The following TENM3 variants were observed in gnomAD, a reference collection of about 807,000 sequenced individuals.
TENM3 encodes teneurin-3.
Under a neutral mutation model 255.1 loss-of-function variants are expected in TENM3, and 63 were observed. The ratio of observed to expected loss-of-function variants is 0.25; its 90% CI spans 0.20 to 0.30. The LOEUF is 0.30. Ranked by LOEUF, TENM3 falls within the 10% of genes least tolerant of loss-of-function variation. TENM3 has a pLI of 1.00. For missense variants in TENM3, 2,929 were observed against 3,461.1 expected, an observed-to-expected ratio of 0.85 and a Z score of 3.86; for synonymous variants, 1,306 against 1,322.3, an observed-to-expected ratio of 0.99 and a Z score of 0.27.
At chr4:182,717,556 C>A (rs72703945) in intron 13 of TENM3, among the ~76,000 whole-genome samples, 93 of 152,260 alleles carry the variant, frequency 6.1e-4, no homozygotes, top group Non-Finnish European at 1.2e-3. Context: ...CTCCAGGTAC[C>A]AAATAGAGGC....
chr4:182,323,583 G>A (rs1262771596), intron 1 of TENM3, among the ~76,000 whole-genome samples: 1 of 152,102 alleles, frequency 6.6e-6, no homozygotes, highest in African/African-American at 2.4e-5. Flanking sequence ...GCTATAAAGA[G>A]AAAAAGCCAT....
chr4:182,685,115 A>G (rs971945578), intron 11 of TENM3, among the ~76,000 whole-genome samples: 1 of 152,104 alleles, frequency 6.6e-6, no homozygotes, highest in African/African-American at 2.4e-5. Context: ...TTGAACTCAT[A>G]TACTACTTAG....
chr4:182,797,863 A>AAC (rs1213299552), intron 27 of TENM3, among the ~76,000 whole-genome samples: 3 of 152,294 alleles, frequency 2.0e-5, no homozygotes, highest in Non-Finnish European at 2.9e-5. Context: ...AGCCATGGTT[A>AAC]ACACACACAC....
chr4:182,767,956 A>C lies in TENM3; in HGVS notation c.4893-5516A>C, dbSNP rs115864759. Among the ~76,000 whole-genome samples, 1,173 of 152,190 alleles carry C rather than the reference A, an allele frequency of 7.7e-3. 11 individuals are homozygous for C. The highest frequency in any genetic ancestry group is 0.027 in the Middle Eastern group (8 of 294). On this transcript the variant is annotated intron_variant, in intron 22 of 27. Coordinates refer to ENST00000511685, the MANE Select transcript of TENM3 (RefSeq NM_001080477.4). ...AAGCAGTCACATTTCAGTGACTCTC[A>C]CTCCGGCTTCCCTAGGTGAAAATGA... is the stretch of plus-strand genomic sequence containing the variant.
the TENM3 span, among the ~76,000 whole-genome samples, chr4:182,022,058 T>C: frequency 6.6e-6 from 1 of 151,988 alleles, no homozygotes; most frequent in Non-Finnish European, 1.5e-5. Flanking sequence ...TCACAGGAAA[T>C]AGATTGTTCC....
rs140503085 is a variant in TENM3, at chr4:182,212,732, A to G, written c.-76+67978A>G. Reference sequence around the variant, plus strand: ...ACTCTTTGAGAGTGAAACAGAAAGGACAGAGTTGAGATTTTAGTGTGACAA... The same window carrying G: ...ACTCTTTGAGAGTGAAACAGAAAGGGCAGAGTTGAGATTTTAGTGTGACAA... On this transcript the variant is annotated intron_variant, in intron 1 of 2. Transcript: ENST00000512480. Among the ~76,000 whole-genome samples the G allele has an allele frequency of 1.8e-3, 281 of 152,292 alleles. 1 individual carries two copies. Among genetic ancestry groups the G allele is most frequent in the African/African-American group, 6.3e-3 (262 of 41,556 alleles).
At chr4:181,846,442 G>A in the TENM3 span, among the ~76,000 whole-genome samples, 1 of 151,978 alleles carries the variant, frequency 6.6e-6, no homozygotes, top group African/African-American at 2.4e-5. Flanking sequence ...GGAAGACTGT[G>A]GTGACATAAA....
chr4:182,329,730 C>T (rs754176140), intron 2 of TENM3, among the ~76,000 whole-genome samples: 26 of 151,998 alleles, frequency 1.7e-4, no homozygotes, highest in Non-Finnish European at 3.5e-4. Flanking sequence ...CCACCAAATG[C>T]TGGAGAAAAA....
the TENM3 span, among the ~76,000 whole-genome samples, chr4:181,899,561 G>GT: frequency 2.7e-4 from 41 of 151,350 alleles, no homozygotes; most frequent in Non-Finnish European, 5.5e-4. Context: ...GTTTTGTTTT[G>GT]TTTTTTGTTT....
the TENM3 span, among the ~76,000 whole-genome samples, chr4:181,566,349 C>T: frequency 2.0e-5 from 3 of 152,162 alleles, no homozygotes; most frequent in African/African-American, 7.2e-5. Flanking sequence ...GGAAAGGGAA[C>T]TAGACCTTTG....
At chr4:182,280,752 A>G (rs1760329221) in intron 1 of TENM3, among the ~76,000 whole-genome samples, 1 of 152,206 alleles carries the variant, frequency 6.6e-6, no homozygotes, top group South Asian at 2.1e-4. Flanking sequence ...TTCTCTGGGC[A>G]TCATCTACAA....
chr4:182,127,754 C>T, the TENM3 span, among the ~76,000 whole-genome samples: 1 of 152,134 alleles, frequency 6.6e-6, no homozygotes, highest in Non-Finnish European at 1.5e-5. Flanking sequence ...ATCAAGCAAG[C>T]AATGGTTTTG....
chr4:181,651,552 C>T, the TENM3 span, among the ~76,000 whole-genome samples: 2 of 151,300 alleles, frequency 1.3e-5, no homozygotes, highest in African/African-American at 4.9e-5. Context: ...CACGCCACTG[C>T]ACTCCAGCCT....
the TENM3 span, among the ~76,000 whole-genome samples, chr4:181,802,921 T>G: frequency 2.0e-5 from 3 of 152,082 alleles, no homozygotes; most frequent in African/African-American, 4.8e-5. Context: ...ATTTGGGGGG[T>G]TTTATTTTTA....
rs568292332 is a variant in TENM3, at chr4:182,665,702, TG to T, written c.1112-7301del. On this transcript the variant is annotated intron_variant, in intron 6 of 27. Transcript: ENST00000511685. ...CGAGGTCAGGAGATCGAGACCATCC[TG>T]GTTAACAGGGTGAAACCCCGTCTCT... Among the ~76,000 whole-genome samples, 562 of 152,176 alleles carry T rather than the reference TG, an allele frequency of 3.7e-3. 3 individuals carry two copies. The highest frequency in any genetic ancestry group is 0.013 in the African/African-American group (535 of 41,506).
At chr4:181,981,116 T>G in the TENM3 span, among the ~76,000 whole-genome samples, 1 of 152,184 alleles carries the variant, frequency 6.6e-6, no homozygotes, top group Non-Finnish European at 1.5e-5. Context: ...TTTAATGTTC[T>G]CTTCCCTCTC....
chr4:181,485,803 A>G, the TENM3 span, among the ~76,000 whole-genome samples: 1 of 152,196 alleles, frequency 6.6e-6, no homozygotes, highest in Non-Finnish European at 1.5e-5. Flanking sequence ...TGCCTACTGC[A>G]TCAGTAAAAT....
At chr4:182,418,884 G>A (rs543700416) in intron 3 of TENM3, among the ~76,000 whole-genome samples, 52 of 152,198 alleles carry the variant, frequency 3.4e-4, no homozygotes, top group African/African-American at 1.2e-3. Flanking sequence ...CTTAAGAGTG[G>A]GATATGACTT....
the TENM3 span, among the ~76,000 whole-genome samples, chr4:181,890,532 G>C: frequency 0.038 from 5,827 of 151,868 alleles, 371 homozygotes; most frequent in African/African-American, 0.13. Flanking sequence ...CTATTAAAAG[G>C]TTTCTAAATG....
Sources: allele counts gnomAD v4.1 joint callset (sites outside exome capture counted in the v4.1 genomes callset), GRCh38; gene constraint gnomAD v4.1.1; transcripts MANE v1.5; gene names NCBI Gene and HGNC (gene_info 2026-07-23, HGNC 2026-07-21).